SOS2: variants seen among roughly 807,000 people sequenced by gnomAD.
SOS2 encodes the protein son of sevenless homolog 2.
A neutral mutation model predicts 148.2 loss-of-function variants in SOS2; 65 were observed. The observed-to-expected ratio is 0.44, with a 90% CI of 0.36 to 0.54. The LOEUF (loss-of-function observed/expected upper bound fraction) is 0.54. Ranked by LOEUF, SOS2 falls within the 20% of genes least tolerant of loss-of-function variation. SOS2 has a pLI of 0.00. For missense variants in SOS2, 1,341 were observed against 1,590.2 expected (o/e 0.84, Z 2.67); for synonymous variants, 539 against 537.1 (o/e 1.00, Z -0.05).
At chr14:50,222,650 A>G (rs1021988407) in intron 1 of SOS2, among the ~76,000 whole-genome samples, 2 of 152,234 alleles carry the variant, frequency 1.3e-5, no homozygotes, top group African/African-American at 4.8e-5. Context: ...AGCAAGTACA[A>G]AAGTCCTAAG....
intron 5 of SOS2, 71 bp from the exon 6 acceptor site, chr14:50,182,677 A>G (rs1885781248): frequency 7.8e-7 from 1 of 1,274,114 alleles, no homozygotes; most frequent in Non-Finnish European, 1.1e-6. Context: ...AAATATAAAG[A>G]GCAATATAGG....
chr14:50,221,679 T>G (rs893674277), intron 1 of SOS2, among the ~76,000 whole-genome samples: 1 of 152,166 alleles, frequency 6.6e-6, no homozygotes, highest in Admixed American at 6.5e-5. Flanking sequence ...TCTTTAAGAT[T>G]TTTAAAAAAT....
At chr14:50,139,823 G>T in intron 17 of SOS2, 119 bp downstream of exon 17, 2 of 529,768 alleles carry the variant, frequency 3.8e-6, no homozygotes, top group Non-Finnish European at 6.9e-6. Context: ...TATTAATACA[G>T]AGAGCTAATA....
At chr14:50,166,328 TCCTCC>T (rs1470830994) in intron 8 of SOS2, among the ~76,000 whole-genome samples, 11 of 152,148 alleles carry the variant, frequency 7.2e-5, no homozygotes, top group Non-Finnish European at 1.5e-4. Context: ...GTTCAAGCGA[TCCTCC>T]TGCCTTAACC....
intron 19 of SOS2, among the ~76,000 whole-genome samples, chr14:50,133,190 C>G (rs1566820288): frequency 1.4e-5 from 2 of 144,898 alleles, no homozygotes; most frequent in African/African-American, 5.0e-5. Flanking sequence ...TTAATTCCAT[C>G]AAAAAAATTT....
intron 5 of SOS2, among the ~76,000 whole-genome samples, chr14:50,186,318 A>C (rs1885910556): frequency 6.6e-6 from 1 of 152,212 alleles, no homozygotes; most frequent in African/African-American, 2.4e-5. Context: ...ACCCATAAAA[A>C]TTAATTCCTG....
chr14:50,197,784 G>T (rs1024156669), intron 4 of SOS2, among the ~76,000 whole-genome samples: 1 of 150,702 alleles, frequency 6.6e-6, no homozygotes, highest in African/African-American at 2.4e-5. Context: ...TACCTCCTGG[G>T]TTCAAATGAT....
chr14:50,125,057 A>G (rs1481279027), intron 21 of SOS2, among the ~76,000 whole-genome samples: 1 of 152,260 alleles, frequency 6.6e-6, no homozygotes, highest in Non-Finnish European at 1.5e-5. Context: ...CCCATAACCT[A>G]GTACCTATAA....
chr14:50,131,699 G>A (rs1303383835), intron 19 of SOS2, among the ~76,000 whole-genome samples: 2 of 152,160 alleles, frequency 1.3e-5, no homozygotes, highest in Non-Finnish European at 2.9e-5. Flanking sequence ...TGATGCTTGG[G>A]TAGAAGAATG....
intron 13 of SOS2, among the ~76,000 whole-genome samples, chr14:50,150,784 G>A (rs1319533892): frequency 6.6e-6 from 1 of 151,912 alleles, no homozygotes; most frequent in East Asian, 1.9e-4. Flanking sequence ...GAATAATGGC[G>A]TGATCTCGGC....
intron 12 of SOS2, 80 bp from the exon 13 acceptor site, chr14:50,153,253 T>C (rs978125716): frequency 6.7e-6 from 5 of 742,386 alleles, no homozygotes; most frequent in East Asian, 2.5e-5. Context: ...GCCACGATAA[T>C]AGCTTTACAT....
intron 6 of SOS2, among the ~76,000 whole-genome samples, chr14:50,181,030 A>G (rs1885717890): frequency 6.6e-6 from 1 of 152,162 alleles, no homozygotes; most frequent in African/African-American, 2.4e-5. Context: ...GGGTGAAGAA[A>G]GAAGGAAGCT....
chr14:50,169,203 C>T (rs1885277886), intron 8 of SOS2, among the ~76,000 whole-genome samples: 3 of 151,928 alleles, frequency 2.0e-5, no homozygotes, highest in African/African-American at 7.3e-5. Context: ...GTAATCTCAG[C>T]TACTCAGGAG....
chr14:50,118,048 A>G lies in SOS2; in HGVS notation c.*296T>C. Reference sequence around the variant, plus strand: ...AGCACTATCCCTTTTCAGTGCAATCATGTCACTTTAAACCATATTTTTGCA... The same window carrying G: ...AGCACTATCCCTTTTCAGTGCAATCGTGTCACTTTAAACCATATTTTTGCA... On this transcript the variant is annotated 3_prime_UTR_variant, in exon 23 of 23. Coordinates refer to ENST00000216373, the MANE Select transcript of SOS2 (RefSeq NM_006939.4). 1 of 278,212 alleles carries G rather than the reference A, an allele frequency of 3.6e-6. No individual in the cohort carries two copies. The highest frequency in any genetic ancestry group is 6.7e-6 in the Non-Finnish European group (1 of 148,714). The allele number at this position is 278,212 out of a possible 1,614,324, so 17.2% of individuals were successfully genotyped here. A position where few individuals can be genotyped will look rare whatever the true frequency, so the allele number is the denominator to read the frequency against.
intron 8 of SOS2, among the ~76,000 whole-genome samples, chr14:50,173,194 C>A (rs1164414292): frequency 2.0e-5 from 3 of 152,012 alleles, no homozygotes; most frequent in Non-Finnish European, 2.9e-5. Flanking sequence ...TTATTTCGTA[C>A]CTCTCCTTTA....
intron 1 of SOS2, among the ~76,000 whole-genome samples, chr14:50,209,274 C>T (rs1295698374): frequency 1.7e-5 from 2 of 118,276 alleles, no homozygotes; most frequent in Non-Finnish European, 3.7e-5. Context: ...CCTTAAATGT[C>T]GTGTGTGTGT....
At chr14:50,207,643 G>A in intron 1 of SOS2, among the ~76,000 whole-genome samples, 1 of 151,936 alleles carries the variant, frequency 6.6e-6, no homozygotes, top group African/African-American at 2.4e-5. Context: ...AGGCATGGTG[G>A]CTCGTAATCC....
At chr14:50,204,502 T>C in intron 1 of SOS2, 93 bp from the exon 2 acceptor site, 1 of 749,946 alleles carries the variant, frequency 1.3e-6, no homozygotes, top group South Asian at 2.0e-5. Flanking sequence ...TTTACTATAA[T>C]GGTTACTCAA....
chr14:50,147,390 T>C (rs1425058081), intron 14 of SOS2, among the ~76,000 whole-genome samples: 1 of 151,584 alleles, frequency 6.6e-6, no homozygotes, highest in Admixed American at 6.6e-5. Flanking sequence ...TGCGTGCCTG[T>C]AGTTCTAGCT....
Sources: allele counts gnomAD v4.1 joint callset (sites outside exome capture counted in the v4.1 genomes callset), GRCh38; gene constraint gnomAD v4.1.1; transcripts MANE v1.5; gene names NCBI Gene and HGNC (gene_info 2026-07-23, HGNC 2026-07-21).